IPCEF1: variants seen among roughly 807,000 people sequenced by gnomAD.
IPCEF1 encodes the protein interaction protein for cytohesin exchange factors 1.
A neutral mutation model predicts 50.9 loss-of-function variants in IPCEF1; 31 were observed. That is an observed-to-expected ratio of 0.61 (90% CI 0.46 to 0.82). The LOEUF (loss-of-function observed/expected upper bound fraction) is 0.82, where lower values mean the gene tolerates loss of function less well. Among genes scored for constraint, IPCEF1 ranks in the 40% least tolerant of loss-of-function variants. The probability of loss-of-function intolerance (pLI) is 0.00; values close to 1 mark genes in which losing one functional copy is unlikely to be tolerated. For missense variants in IPCEF1, 458 were observed against 514.0 expected (o/e 0.89, Z 1.05); for synonymous variants, 181 against 192.0 (o/e 0.94, Z 0.47).
Position 154,313,067 on chromosome 6 carries a change from C to CAAAAAAAAAAAAAAAAAAAAAAAAAAA in IPCEF1, c.-61-23312_-61-23311insTTTTTTTTTTTTTTTTTTTTTTTTTTT, listed in dbSNP as rs71021040. ...CACTGCAGGCTGTGAGGCCCTGTCT[C>CAAAAAAAAAAAAAAAAAAAAAAAAAAA]AAAAAAAAAAAAAAAAAAACATGGC... On this transcript the variant is annotated intron_variant, in intron 1 of 11. Coordinates refer to ENST00000367220, the MANE Select transcript of IPCEF1 (RefSeq NM_001130700.2). Among the ~76,000 whole-genome samples the CAAAAAAAAAAAAAAAAAAAAAAAAAAA allele has an allele frequency of 3.0e-4, 18 of 59,030 alleles. 2 individuals are homozygous for CAAAAAAAAAAAAAAAAAAAAAAAAAAA. Among genetic ancestry groups the CAAAAAAAAAAAAAAAAAAAAAAAAAAA allele is most frequent in the African/African-American group, 1.8e-3 (17 of 9,538 alleles). The allele number at this position is 59,030 out of a possible 152,430, so 38.7% of individuals were successfully genotyped here.
chr6:154,241,251 A>G (rs1780564485), intron 5 of IPCEF1, among the ~76,000 whole-genome samples: 2 of 151,694 alleles, frequency 1.3e-5, no homozygotes, highest in South Asian at 2.1e-4. Context: ...AAAAAAAAAA[A>G]AAAGAGAGAG....
chr6:154,235,341 G>A (rs1488409083), intron 5 of IPCEF1, among the ~76,000 whole-genome samples: 1 of 152,110 alleles, frequency 6.6e-6, no homozygotes. Flanking sequence ...GACCAGCCTG[G>A]CCCACATGGC....
At chr6:154,187,865 A>G (rs916848303) in intron 10 of IPCEF1, among the ~76,000 whole-genome samples, 13 of 152,330 alleles carry the variant, frequency 8.5e-5, no homozygotes, top group Non-Finnish European at 2.9e-5. Flanking sequence ...GTGATGAAAA[A>G]GTACCTACTT....
At chr6:154,324,762 C>T (rs527432694) in intron 1 of IPCEF1, among the ~76,000 whole-genome samples, 85 of 152,206 alleles carry the variant, frequency 5.6e-4, no homozygotes, top group African/African-American at 1.8e-3. Flanking sequence ...GAGCTGAGAT[C>T]GCGCTACTGT....
At chr6:154,340,378 G>A (rs1783884807) in intron 1 of IPCEF1, among the ~76,000 whole-genome samples, 1 of 151,768 alleles carries the variant, frequency 6.6e-6, no homozygotes, top group African/African-American at 2.4e-5. Flanking sequence ...AACCTCCCTA[G>A]TAGCTGGGAT....
chr6:154,216,131 C>A (rs1778373577), intron 7 of IPCEF1, among the ~76,000 whole-genome samples: 1 of 152,086 alleles, frequency 6.6e-6, no homozygotes, highest in Non-Finnish European at 1.5e-5. Flanking sequence ...AAATATCAAT[C>A]CTATAGAAAC....
intron 1 of IPCEF1, among the ~76,000 whole-genome samples, chr6:154,304,474 C>T (rs2128676945): frequency 6.8e-6 from 1 of 147,230 alleles, no homozygotes; most frequent in African/African-American, 2.4e-5. Flanking sequence ...GCATCTCATT[C>T]ATCTGTGTTC....
At chr6:154,303,261 T>C (rs1373018533) in intron 1 of IPCEF1, among the ~76,000 whole-genome samples, 1 of 152,022 alleles carries the variant, frequency 6.6e-6, no homozygotes, top group Non-Finnish European at 1.5e-5. Flanking sequence ...CCGGGTAATC[T>C]TTGTATTTTT....
chr6:154,223,263 C>T lies in IPCEF1; in HGVS notation c.247-20G>A. Reference sequence around the variant, plus strand: ...CTCTGCCTGAAACAAATATATACCACAAATAGGAATGAATGCATCAATCCT... The same window carrying T: ...CTCTGCCTGAAACAAATATATACCATAAATAGGAATGAATGCATCAATCCT... On this transcript the variant is annotated intron_variant, in intron 5 of 11. Coordinates refer to ENST00000367220, the MANE Select transcript of IPCEF1 (RefSeq NM_001130700.2). 2 of 1,588,428 alleles carry T rather than the reference C, an allele frequency of 1.3e-6. No individual in the cohort carries two copies. Among genetic ancestry groups the T allele is most frequent in the Non-Finnish European group, 1.7e-6 (2 of 1,160,254 alleles).
chr6:154,259,729 G>A (rs539067454), intron 3 of IPCEF1, among the ~76,000 whole-genome samples: 34 of 152,120 alleles, frequency 2.2e-4, no homozygotes, highest in Non-Finnish European at 3.5e-4. Flanking sequence ...GGTGGCATGA[G>A]GACAGAAGTT....
intron 10 of IPCEF1, among the ~76,000 whole-genome samples, chr6:154,184,526 T>C (rs1459036958): frequency 6.6e-6 from 1 of 152,064 alleles, no homozygotes; most frequent in Admixed American, 6.5e-5. Flanking sequence ...TGTGTGTACA[T>C]CTATGTATGT....
intron 2 of IPCEF1, among the ~76,000 whole-genome samples, chr6:154,276,288 A>T (rs10872704): frequency 8.5e-6 from 1 of 118,168 alleles, no homozygotes; most frequent in Non-Finnish European, 2.0e-5. Context: ...GAAAAGAAAA[A>T]AAAAGAAAAG....
intron 2 of IPCEF1, among the ~76,000 whole-genome samples, chr6:154,283,647 T>C (rs1294731995): frequency 6.6e-6 from 1 of 152,172 alleles, no homozygotes; most frequent in East Asian, 1.9e-4. Context: ...CATTTGAATA[T>C]GTCTTGTGAA....
chr6:154,310,139 CCACA>C (rs1783044360), intron 1 of IPCEF1, among the ~76,000 whole-genome samples: 1 of 152,218 alleles, frequency 6.6e-6, no homozygotes, highest in Non-Finnish European at 1.5e-5. Flanking sequence ...CCAATTCTTA[CCACA>C]CAGTCAGCTC....
intron 3 of IPCEF1, among the ~76,000 whole-genome samples, chr6:154,260,322 G>C (rs905159482): frequency 6.6e-6 from 1 of 152,020 alleles, no homozygotes; most frequent in Admixed American, 6.6e-5. Flanking sequence ...TTTGTTTCAG[G>C]GAAAACATTT....
In IPCEF1 at chr6:154,265,817, A is replaced by G; in HGVS notation, c.36+95T>C. On this transcript the variant is annotated intron_variant, in intron 3 of 11. Coordinates refer to ENST00000367220, the MANE Select transcript of IPCEF1 (RefSeq NM_001130700.2). ...ACTGTGGCTAATGAAATTGAGGACA[A>G]TAAATTGCTAGCCAAACTTGAAATC... The G allele has an allele frequency of 7.0e-6, 6 of 862,832 alleles. No homozygotes were observed. The South Asian group carries it at 9.7e-5, about 14-fold the overall frequency. The allele number at this position is 862,832 out of a possible 1,614,324, so 53.4% of individuals were successfully genotyped here.
intron 5 of IPCEF1, among the ~76,000 whole-genome samples, chr6:154,242,410 C>T (rs528071146): frequency 2.0e-5 from 3 of 152,082 alleles, no homozygotes; most frequent in East Asian, 1.9e-4. Flanking sequence ...ACGTAAATGC[C>T]GAAGATTCTT....
chr6:154,192,318 C>CTGTGTGTTTGTGTGTGTGTGTGTG (rs374502866), intron 10 of IPCEF1, among the ~76,000 whole-genome samples: 1 of 148,028 alleles, frequency 6.8e-6, no homozygotes, highest in Non-Finnish European at 1.5e-5. Context: ...CACGTGGTTA[C>CTGTGTGTTTGTGTGTGTGTGTGTG]TGTGTGTGTG....
chr6:154,162,694 C>T (rs1450650422), intron 11 of IPCEF1, among the ~76,000 whole-genome samples: 1 of 123,626 alleles, frequency 8.1e-6, no homozygotes, highest in Non-Finnish European at 1.8e-5. Context: ...GTATCCTGTT[C>T]TCTGCTCTAT....
Sources: allele counts gnomAD v4.1 joint callset (sites outside exome capture counted in the v4.1 genomes callset), GRCh38; gene constraint gnomAD v4.1.1; transcripts MANE v1.5; gene names NCBI Gene and HGNC (gene_info 2026-07-23, HGNC 2026-07-21).